MAST2: variants seen among roughly 807,000 people sequenced by gnomAD.
MAST2 encodes the protein microtubule associated serine/threonine kinase 2.
Under a neutral mutation model 147.4 loss-of-function variants are expected in MAST2, and 70 were observed. The observed-to-expected ratio is 0.47, with a 90% confidence interval of 0.39 to 0.58. The LOEUF (loss-of-function observed/expected upper bound fraction) is 0.58. Among genes scored for constraint, MAST2 ranks in the 20% least tolerant of loss-of-function variants. The pLI is 0.00. For synonymous variants in MAST2, 869 were observed against 896.8 expected, an observed-to-expected ratio of 0.97 and a Z score of 0.55; for missense variants, 2,080 against 2,302.3, an observed-to-expected ratio of 0.90 and a Z score of 1.98.
chr1:45,829,631 T>C (rs1256970006), intron 3 of MAST2, 50 bp downstream of exon 3: 20 of 1,538,712 alleles, frequency 1.3e-5, no homozygotes, highest in Non-Finnish European at 1.8e-5. Context: ...TCCATAATTG[T>C]CATTTGTCAT....
chr1:45,889,152 T>C (rs1647277134), intron 4 of MAST2, among the ~76,000 whole-genome samples: 2 of 152,182 alleles, frequency 1.3e-5, no homozygotes, highest in South Asian at 4.1e-4. Flanking sequence ...AAAATGCGGA[T>C]TTCATTATTA....
chr1:45,926,667 T>C (rs544890030), intron 4 of MAST2, among the ~76,000 whole-genome samples: 18 of 152,358 alleles, frequency 1.2e-4, no homozygotes, highest in Admixed American at 2.0e-4. Context: ...TCATTTCTCC[T>C]CTTACAGCAG....
At chr1:45,845,049 A>G (rs939737716) in intron 3 of MAST2, among the ~76,000 whole-genome samples, 1 of 152,150 alleles carries the variant, frequency 6.6e-6, no homozygotes, top group Non-Finnish European at 1.5e-5. Flanking sequence ...AACACCTCTC[A>G]AAAGGCCAAA....
Position 46,030,649 on chromosome 1 carries a change from C to T in MAST2, c.2596C>T (p.Arg866Trp), listed in dbSNP as rs923656781. 1.2e-5 allele frequency: 20 copies of T among 1,611,526 alleles called. No homozygotes were observed. Among genetic ancestry groups the T allele is most frequent in the Non-Finnish European group, 1.5e-5 (18 of 1,179,298 alleles). ...MERLSLLEER[R>W]TPPPTKRSLS... ...GCGGCTCTCACTGCTCGAGGAGCGC[C>T]GGACACCACCCCCGACCAAGCGCAG... Residue 866 changes from arginine to tryptophan, a missense_variant, in exon 22 of 29, where the codon CGG becomes TGG. By Grantham distance (101) the Arg-to-Trp change is moderately radical. Coordinates refer to ENST00000361297, the MANE Select transcript of MAST2 (RefSeq NM_015112.3).
chr1:45,876,728 C>T (rs1385592191), intron 3 of MAST2, among the ~76,000 whole-genome samples: 4 of 152,270 alleles, frequency 2.6e-5, no homozygotes, highest in Admixed American at 2.6e-4. Flanking sequence ...TCCACTGTGC[C>T]TTAGTTGTCA....
chr1:45,953,253 A>G (rs1034951913), intron 4 of MAST2, among the ~76,000 whole-genome samples: 12 of 152,180 alleles, frequency 7.9e-5, no homozygotes, highest in African/African-American at 2.7e-4. Context: ...GATTAATTCA[A>G]GGAGAGTTGC....
At chr1:45,941,566 A>C (rs1347105620) in intron 4 of MAST2, among the ~76,000 whole-genome samples, 1 of 152,134 alleles carries the variant, frequency 6.6e-6, no homozygotes, top group Non-Finnish European at 1.5e-5. Context: ...CCGTTTTAAT[A>C]GTTTTTTAAA....
intron 4 of MAST2, among the ~76,000 whole-genome samples, chr1:45,928,742 G>A (rs1359297193): frequency 1.3e-5 from 2 of 151,586 alleles, no homozygotes; most frequent in Non-Finnish European, 2.9e-5. Flanking sequence ...CAGAAGCCTG[G>A]CTAATTTTTT....
intron 10 of MAST2, among the ~76,000 whole-genome samples, chr1:46,018,709 T>A (rs1646059811): frequency 6.6e-6 from 1 of 152,122 alleles, no homozygotes; most frequent in Non-Finnish European, 1.5e-5. Context: ...AGGAAAGTGA[T>A]CCTCTCTGGT....
intron 5 of MAST2, among the ~76,000 whole-genome samples, chr1:45,991,786 A>G (rs1046083892): frequency 6.6e-6 from 1 of 152,214 alleles, no homozygotes; most frequent in African/African-American, 2.4e-5. Context: ...AGAATATTCT[A>G]CATAGACAAT....
intron 1 of MAST2, among the ~76,000 whole-genome samples, chr1:45,817,147 TA>T (rs760877952): frequency 4.2e-4 from 64 of 152,098 alleles, no homozygotes; most frequent in Non-Finnish European, 8.1e-4. Context: ...GGTAGAGAGA[TA>T]GGGGTAGAAA....
chr1:46,030,353 G>A (rs1157017344), intron 21 of MAST2, 115 bp downstream of exon 21: 1 of 1,041,618 alleles, frequency 9.6e-7, no homozygotes, highest in Non-Finnish European at 1.4e-6. Flanking sequence ...GCCACCTCTA[G>A]AAAAAGAGGA....
chr1:45,853,048 A>G (rs1017200064), intron 3 of MAST2, among the ~76,000 whole-genome samples: 2 of 152,058 alleles, frequency 1.3e-5, no homozygotes, highest in Non-Finnish European at 2.9e-5. Context: ...CTCATACCTC[A>G]TCCTCCCGAG....
chr1:45,975,775 G>A (rs183792225), intron 5 of MAST2, among the ~76,000 whole-genome samples: 13 of 151,904 alleles, frequency 8.6e-5, no homozygotes, highest in Non-Finnish European at 1.5e-4. Context: ...AGAAAGTCAC[G>A]GAGGGCTATA....
intron 18 of MAST2, 177 bp downstream of exon 18, chr1:46,029,110 A>T (rs1429493221): frequency 1.5e-6 from 1 of 672,538 alleles, no homozygotes; most frequent in Non-Finnish European, 2.4e-6. Context: ...ACATGTGCAC[A>T]CTGTGTCCCT....
chr1:45,910,684 C>T (rs186213377), intron 4 of MAST2, among the ~76,000 whole-genome samples: 1 of 152,288 alleles, frequency 6.6e-6, no homozygotes, highest in Admixed American at 6.5e-5. Context: ...TGTTAGGAGA[C>T]AATACTTTCT....
chr1:46,031,469 G>A lies in MAST2; in HGVS notation c.3071G>A (p.Arg1024His), dbSNP rs749777352. 1.7e-5 allele frequency: 27 copies of A among 1,614,016 alleles called. No homozygotes were observed. The highest frequency in any genetic ancestry group is 6.7e-5 in the East Asian group (3 of 44,898). Residue 1024 changes from arginine to histidine, a missense_variant, in exon 24 of 29, where the codon CGT (arginine) becomes CAT (histidine). Physicochemically the swap from Arg to His is conservative, Grantham distance 29. Coordinates refer to ENST00000361297, the MANE Select transcript of MAST2 (RefSeq NM_015112.3). This position sits in a 1 kb window ranked among gnomAD's most constrained non-coding sequence, Gnocchi z 4.1. The stretch of plus-strand genomic sequence containing the variant: ...AAGGCCATCAGTGACCTGGCTGTGC[G>A]TAGGGCCCGCCACCGGCTGCTCTCT... Reference protein sequence around the residue: ...TAKAISDLAVRRARHRLLSGD... With the variant: ...TAKAISDLAVHRARHRLLSGD...
Position 46,034,762 on chromosome 1 carries a change from C to T in MAST2, c.4093C>T (p.Pro1365Ser). The change falls in exon 29 of 29, where the codon CCC becomes TCC. Residue 1365 changes from proline to serine, a missense_variant. Coordinates refer to ENST00000361297, the MANE Select transcript of MAST2 (RefSeq NM_015112.3). Reference protein sequence around the residue: ...PTASPQRSPSPLSGHVAQAFP... With the variant: ...PTASPQRSPSSLSGHVAQAFP... Reference sequence around the variant, plus strand: ...AGCTTCACCTCAGCGGTCCCCATCGCCCCTGTCTGGCCATGTAGCCCAGGC... The same window carrying T: ...AGCTTCACCTCAGCGGTCCCCATCGTCCCTGTCTGGCCATGTAGCCCAGGC... 6.2e-7 allele frequency: 1 copy of T among 1,613,976 alleles called. No homozygotes were observed. The highest frequency in any genetic ancestry group is 1.3e-5 in the African/African-American group (1 of 75,066).
At chr1:46,011,507 A>G (rs1645714414) in intron 10 of MAST2, among the ~76,000 whole-genome samples, 1 of 152,202 alleles carries the variant, frequency 6.6e-6, no homozygotes. Flanking sequence ...AAAGCACATG[A>G]GAGTTCTTAA....
Sources: allele counts gnomAD v4.1 joint callset (sites outside exome capture counted in the v4.1 genomes callset), GRCh38; gene constraint gnomAD v4.1.1; non-coding constraint Gnocchi (gnomAD v3.1); transcripts MANE v1.5; gene names NCBI Gene and HGNC (gene_info 2026-07-23, HGNC 2026-07-21).